Variants in DOCK2 observed in about 807,000 individuals in gnomAD.
DOCK2 encodes the protein dedicator of cytokinesis 2.
Under a neutral mutation model 248.9 loss-of-function variants are expected in DOCK2, and 87 were observed. That is an observed-to-expected ratio of 0.35 (90% CI 0.29 to 0.42). DOCK2 has a LOEUF of 0.42. Among genes scored for constraint, DOCK2 ranks in the 10% least tolerant of loss-of-function variants. The probability of loss-of-function intolerance (pLI) is 1.00; values close to 1 mark genes in which losing one functional copy is unlikely to be tolerated. For missense variants in DOCK2, 1,747 were observed against 2,300.2 expected (o/e 0.76, Z 4.92); for synonymous variants, 805 against 821.6 (o/e 0.98, Z 0.35).
intron 46 of DOCK2, among the ~76,000 whole-genome samples, chr5:170,073,787 A>G (rs1449127946): frequency 6.6e-6 from 1 of 152,054 alleles, no homozygotes; most frequent in Non-Finnish European, 1.5e-5. Flanking sequence ...TACTTCTTGT[A>G]ATTATGTTTT....
chr5:169,989,105 C>T (rs1778145773), intron 29 of DOCK2, among the ~76,000 whole-genome samples: 1 of 152,014 alleles, frequency 6.6e-6, no homozygotes, highest in Non-Finnish European at 1.5e-5. Flanking sequence ...ATGCATTAGT[C>T]ATCTATTATT....
At chr5:169,841,451 C>T (rs1423601519) in intron 27 of DOCK2, 1 of 985,510 alleles carries the variant, frequency 1.0e-6, no homozygotes, top group Non-Finnish European at 1.2e-6. Flanking sequence ...AAACCAAGGA[C>T]CCAAAATTCA....
chr5:169,992,766 T>A (rs966188718), intron 29 of DOCK2, among the ~76,000 whole-genome samples: 5 of 139,822 alleles, frequency 3.6e-5, no homozygotes, highest in Admixed American at 2.2e-4. Flanking sequence ...CCCAGCCAAT[T>A]ACTGTTTTTA....
At chr5:169,662,151 A>G (rs576456258) in intron 2 of DOCK2, among the ~76,000 whole-genome samples, 10 of 152,180 alleles carry the variant, frequency 6.6e-5, no homozygotes, top group Admixed American at 6.5e-4. Flanking sequence ...GATAATAGCC[A>G]TTTTCACAGG....
intron 27 of DOCK2, among the ~76,000 whole-genome samples, chr5:169,887,116 G>C (rs934609696): frequency 6.6e-6 from 1 of 152,098 alleles, no homozygotes; most frequent in African/African-American, 2.4e-5. Flanking sequence ...CTCACCATTG[G>C]GCCTTCCTGC....
chr5:169,909,662 C>T (rs562952972), intron 27 of DOCK2, among the ~76,000 whole-genome samples: 2 of 152,230 alleles, frequency 1.3e-5, no homozygotes, highest in African/African-American at 4.8e-5. Context: ...TCAAATCTGC[C>T]CTCTAAACCT....
intron 27 of DOCK2, among the ~76,000 whole-genome samples, chr5:169,900,133 C>G (rs943105455): frequency 7.9e-5 from 12 of 152,196 alleles, no homozygotes; most frequent in Admixed American, 7.2e-4. Flanking sequence ...ATCAGGAACA[C>G]CTCCAAGCTC....
rs192266450 is a variant in DOCK2, at chr5:169,991,724, C to T, written c.2994-4362C>T. On this transcript the variant is annotated intron_variant, in intron 29 of 51. Coordinates refer to ENST00000520908, the MANE Select transcript of DOCK2 (RefSeq NM_004946.3). The stretch of plus-strand genomic sequence containing the variant: ...GGCATTAGTGGAAGCATGCCAGTGC[C>T]GGAAGTTCAAGGAGCCAGTGTGTCC... 3.3e-4 allele frequency among the ~76,000 whole-genome samples: 51 copies of T among 152,284 alleles called. No homozygotes were observed. In the East Asian group the frequency reaches 5.6e-3, roughly 17 times the overall value.
intron 22 of DOCK2, among the ~76,000 whole-genome samples, chr5:169,720,160 A>G (rs1762115889): frequency 6.6e-6 from 1 of 152,214 alleles, no homozygotes; most frequent in Non-Finnish European, 1.5e-5. Context: ...CTTGTCATTT[A>G]GTCAAGTCTG....
Position 169,935,439 on chromosome 5 carries a change from A to G in DOCK2, c.2800-47629A>G, listed in dbSNP as rs78884670. 2.7e-3 allele frequency among the ~76,000 whole-genome samples: 417 copies of G among 152,322 alleles called. 3 individuals are homozygous for G. Among genetic ancestry groups the G allele is most frequent in the African/African-American group, 9.6e-3 (400 of 41,578 alleles). ...GTGTGCTAAGTCACCAAAATCTGAC[A>G]TGCTGAACTGTCAACTTAATGGTGG... On this transcript the variant is annotated intron_variant, in intron 27 of 51. Coordinates refer to ENST00000520908, the MANE Select transcript of DOCK2 (RefSeq NM_004946.3).
chr5:169,701,718 A>G (rs909021751), intron 13 of DOCK2, among the ~76,000 whole-genome samples: 2 of 152,026 alleles, frequency 1.3e-5, no homozygotes, highest in Non-Finnish European at 2.9e-5. Context: ...GGGTTTTGCC[A>G]TGTTTCCCAG....
chr5:169,765,837 A>T (rs1764753754), intron 25 of DOCK2, among the ~76,000 whole-genome samples: 2 of 152,126 alleles, frequency 1.3e-5, no homozygotes, highest in South Asian at 4.1e-4. Context: ...TTTTTGAGCA[A>T]AGCATCCAGT....
chr5:169,728,232 A>G (rs1762591003), intron 22 of DOCK2, among the ~76,000 whole-genome samples: 1 of 152,134 alleles, frequency 6.6e-6, no homozygotes, highest in Non-Finnish European at 1.5e-5. Context: ...TGGGACATAA[A>G]ATGTTTGAGG....
At chr5:169,689,059 T>C (rs1024985328) in intron 8 of DOCK2, among the ~76,000 whole-genome samples, 193 bp from the exon 9 acceptor site, 2 of 152,030 alleles carry the variant, frequency 1.3e-5, no homozygotes, top group Non-Finnish European at 2.9e-5. Context: ...AGTTCTTTGC[T>C]CTTGCCTGTC....
chr5:169,979,044 A>G (rs1359019549), intron 27 of DOCK2, among the ~76,000 whole-genome samples: 4 of 152,178 alleles, frequency 2.6e-5, no homozygotes, highest in African/African-American at 9.7e-5. Flanking sequence ...TTGGATATGG[A>G]TGAGTGGCTG....
chr5:169,783,888 T>G (rs1765843711), intron 25 of DOCK2, among the ~76,000 whole-genome samples: 1 of 152,228 alleles, frequency 6.6e-6, no homozygotes, highest in Non-Finnish European at 1.5e-5. Context: ...ATTTGTTTTT[T>G]CCCCTCACAA....
chr5:169,803,752 A>T (rs1489710904), intron 26 of DOCK2, among the ~76,000 whole-genome samples: 1 of 152,170 alleles, frequency 6.6e-6, no homozygotes, highest in Non-Finnish European at 1.5e-5. Flanking sequence ...GACGTCATTC[A>T]GAGATTAGCT....
At chr5:169,796,736 TAAGTTAACAGCTAG>T (rs1766678941) in intron 25 of DOCK2, among the ~76,000 whole-genome samples, 1 of 152,162 alleles carries the variant, frequency 6.6e-6, no homozygotes. Context: ...ATTTGACATC[TAAGTTAACAGCTAG>T]AAGGGAAGGA....
At chr5:169,692,739 T>C (rs1760383430) in intron 9 of DOCK2, among the ~76,000 whole-genome samples, 1 of 152,224 alleles carries the variant, frequency 6.6e-6, no homozygotes, top group Non-Finnish European at 1.5e-5. Flanking sequence ...CTCACAATTC[T>C]GGAGTCTAGA....
Sources: gnomAD v4.1 joint callset for allele counts (sites outside exome capture counted in the v4.1 genomes callset) on GRCh38, gnomAD v4.1.1 for gene constraint, MANE v1.5 for transcripts, NCBI Gene and HGNC (gene_info 2026-07-23, HGNC 2026-07-21) for gene names.